Variants in CORIN observed in about 807,000 individuals in gnomAD.
The protein encoded by CORIN is atrial natriuretic peptide-converting enzyme.
A neutral mutation model predicts 125.3 loss-of-function variants in CORIN; 117 were observed. The observed-to-expected ratio is 0.93, with a 90% confidence interval of 0.80 to 1.09. The LOEUF (loss-of-function observed/expected upper bound fraction) is 1.09, where lower values mean the gene tolerates loss of function less well. Among genes scored for constraint, CORIN ranks in the 50% least tolerant of loss-of-function variants. CORIN has a pLI of 0.00. For synonymous variants in CORIN, 450 were observed against 466.4 expected, an observed-to-expected ratio of 0.96 and a Z score of 0.45; for missense variants, 1,253 against 1,306.7, an observed-to-expected ratio of 0.96 and a Z score of 0.63.
rs1733126619 is a variant in CORIN, at chr4:47,832,924, T to G, written c.63+4963A>C. 2.6e-5 allele frequency among the ~76,000 whole-genome samples: 4 copies of G among 152,278 alleles called. No individual in the cohort carries two copies. In the South Asian group the frequency reaches 8.3e-4, roughly 32 times the overall value. On this transcript the variant is annotated intron_variant, in intron 1 of 21. Transcript: ENST00000273857. ...CCAAGGAGACTGAAGAAATAAATTTTTAATTTGATTTAATGTTGATTAAAT... is the reference window on the plus strand; with the variant it reads ...CCAAGGAGACTGAAGAAATAAATTTGTAATTTGATTTAATGTTGATTAAAT...
At chr4:47,719,204 C>T (rs369926619) in intron 5 of CORIN, among the ~76,000 whole-genome samples, 29 of 152,136 alleles carry the variant, frequency 1.9e-4, no homozygotes, top group African/African-American at 5.6e-4. Context: ...AAACATGTTT[C>T]ACCTTTTCCC....
intron 1 of CORIN, among the ~76,000 whole-genome samples, chr4:47,809,164 C>T (rs1037646712): frequency 6.6e-6 from 1 of 152,162 alleles, no homozygotes; most frequent in Non-Finnish European, 1.5e-5. Context: ...AGTGAAGAAG[C>T]TTCCTTGCTA....
chr4:47,802,071 C>T (rs978535458), intron 2 of CORIN, among the ~76,000 whole-genome samples: 1 of 152,220 alleles, frequency 6.6e-6, no homozygotes, highest in Admixed American at 6.5e-5. Context: ...AGAGACCTGG[C>T]AGGAGTCAGC....
intron 3 of CORIN, 88 bp from the exon 4 acceptor site, chr4:47,763,674 G>C (rs1729576741): frequency 8.2e-7 from 1 of 1,213,642 alleles, no homozygotes; most frequent in Non-Finnish European, 1.2e-6. Context: ...ATAAGATAAA[G>C]TATACTTATC....
At chr4:47,630,170 A>G (rs2109576059) in intron 16 of CORIN, among the ~76,000 whole-genome samples, 1 of 152,346 alleles carries the variant, frequency 6.6e-6, no homozygotes, top group Middle Eastern at 3.4e-3. Context: ...ATGCAAAAGT[A>G]TGATTTTGGA....
chr4:47,778,867 G>A (rs186041360), intron 3 of CORIN, among the ~76,000 whole-genome samples: 2 of 152,270 alleles, frequency 1.3e-5, no homozygotes, highest in East Asian at 3.9e-4. Context: ...CTAAGACCTT[G>A]AGAAGCAGCT....
At chr4:47,612,517 C>T (rs1391757696) in intron 19 of CORIN, among the ~76,000 whole-genome samples, 1 of 152,184 alleles carries the variant, frequency 6.6e-6, no homozygotes, top group Non-Finnish European at 1.5e-5. Context: ...TTTCTACACA[C>T]TTTATTCCAA....
intron 10 of CORIN, among the ~76,000 whole-genome samples, chr4:47,669,049 G>C (rs927934680): frequency 3.9e-5 from 6 of 152,132 alleles, no homozygotes; most frequent in African/African-American, 1.4e-4. Flanking sequence ...CATCACAAAC[G>C]TGAGGATATT....
intron 5 of CORIN, among the ~76,000 whole-genome samples, chr4:47,725,965 A>C (rs1369233047): frequency 6.6e-6 from 1 of 152,102 alleles, no homozygotes; most frequent in Non-Finnish European, 1.5e-5. Flanking sequence ...ACGAACAGAC[A>C]CTTCATAAAG....
intron 10 of CORIN, among the ~76,000 whole-genome samples, chr4:47,669,583 T>G (rs184598682): frequency 0.019 from 2,879 of 150,922 alleles, 51 homozygotes; most frequent in South Asian, 0.065. Flanking sequence ...TTTTTTTTTT[T>G]TTTGTGACAG....
At chr4:47,650,106 C>T (rs1024717329) in intron 13 of CORIN, among the ~76,000 whole-genome samples, 3 of 152,162 alleles carry the variant, frequency 2.0e-5, no homozygotes, top group African/African-American at 7.2e-5. Context: ...TCTTCTAATA[C>T]AACCTAAGGG....
intron 5 of CORIN, among the ~76,000 whole-genome samples, chr4:47,695,738 C>G (rs1725964755): frequency 6.6e-6 from 1 of 152,138 alleles, no homozygotes; most frequent in Non-Finnish European, 1.5e-5. Context: ...TAAAATCTTT[C>G]TGTTTGATTT....
chr4:47,690,604 A>C (rs1725723659), intron 6 of CORIN, among the ~76,000 whole-genome samples: 1 of 152,210 alleles, frequency 6.6e-6, no homozygotes, highest in South Asian at 2.1e-4. Context: ...ATAGAAGCAT[A>C]ATCTCCTCTG....
chr4:47,789,316 A>G (rs993010293), intron 2 of CORIN, among the ~76,000 whole-genome samples: 14 of 152,100 alleles, frequency 9.2e-5, no homozygotes, highest in African/African-American at 3.4e-4. Context: ...AAAATAAATA[A>G]ATAAATAAAT....
intron 19 of CORIN, among the ~76,000 whole-genome samples, chr4:47,612,228 T>A (rs1384438493): frequency 6.6e-6 from 1 of 152,134 alleles, no homozygotes; most frequent in Non-Finnish European, 1.5e-5. Flanking sequence ...ATATATGAAG[T>A]GGCTGGGGTA....
chr4:47,670,417 T>C (rs1724694612), intron 10 of CORIN, among the ~76,000 whole-genome samples: 1 of 152,202 alleles, frequency 6.6e-6, no homozygotes, highest in Non-Finnish European at 1.5e-5. Context: ...GTAACCATTA[T>C]AGTGATTGGC....
At chr4:47,822,329 T>G (rs138869325) in intron 1 of CORIN, among the ~76,000 whole-genome samples, 7 of 152,308 alleles carry the variant, frequency 4.6e-5, no homozygotes, top group Admixed American at 1.3e-4. Context: ...TAATGGATAT[T>G]TCCTATAAAC....
chr4:47,815,090 T>A (rs918100418), intron 1 of CORIN, among the ~76,000 whole-genome samples: 5 of 152,186 alleles, frequency 3.3e-5, no homozygotes, highest in Non-Finnish European at 5.9e-5. Context: ...GAGATTGGAA[T>A]GTTTCAAAGG....
chr4:47,729,640 AG>A (rs1727769263), intron 5 of CORIN, among the ~76,000 whole-genome samples: 1 of 152,164 alleles, frequency 6.6e-6, no homozygotes, highest in African/African-American at 2.4e-5. Context: ...TGGGTAGAAG[AG>A]GGCGGTTCCC....
Sources: gnomAD v4.1 joint callset for allele counts (sites outside exome capture counted in the v4.1 genomes callset) on GRCh38, gnomAD v4.1.1 for gene constraint, MANE v1.5 for transcripts, NCBI Gene and HGNC (gene_info 2026-07-23, HGNC 2026-07-21) for gene names.